Variants in SHTN1 observed in about 807,000 individuals in gnomAD.
SHTN1 encodes the protein shootin 1.
Under a neutral mutation model 83.1 loss-of-function variants are expected in SHTN1, and 42 were observed. That is an observed-to-expected ratio of 0.51 (90% confidence interval 0.39 to 0.65). SHTN1 has a LOEUF of 0.65. Among genes scored for constraint, SHTN1 ranks in the 30% least tolerant of loss-of-function variants. The pLI is 0.00. For missense variants in SHTN1, 622 were observed against 737.8 expected (o/e 0.84, Z 1.82); for synonymous variants, 224 against 247.7 (o/e 0.90, Z 0.90).
At chr10:117,059,717 T>C (rs921296859) in intron 1 of SHTN1, among the ~76,000 whole-genome samples, 2 of 152,154 alleles carry the variant, frequency 1.3e-5, no homozygotes, top group African/African-American at 4.8e-5. Context: ...GGTTTGGTGG[T>C]AGGGGCAGAA....
chr10:116,927,450 A>T (rs1013309773), intron 11 of SHTN1, among the ~76,000 whole-genome samples: 1 of 152,212 alleles, frequency 6.6e-6, no homozygotes, highest in Admixed American at 6.5e-5. Context: ...GGCAAGGAGA[A>T]GCAAGTCACA....
intron 11 of SHTN1, among the ~76,000 whole-genome samples, chr10:116,924,744 C>CTTTTTT (rs1564879304): frequency 2.2e-5 from 3 of 133,742 alleles, no homozygotes; most frequent in South Asian, 2.4e-4. Context: ...GAATTTTCAC[C>CTTTTTT]TATTTTTTTT....
intron 1 of SHTN1, among the ~76,000 whole-genome samples, chr10:117,110,253 C>T (rs1279223682): frequency 6.6e-6 from 1 of 152,236 alleles, no homozygotes; most frequent in African/African-American, 2.4e-5. Flanking sequence ...TTGTAATCCT[C>T]TATAAAACAA....
At chr10:116,997,386 G>A (rs922338261) in intron 1 of SHTN1, among the ~76,000 whole-genome samples, 2 of 152,160 alleles carry the variant, frequency 1.3e-5, no homozygotes, top group Non-Finnish European at 2.9e-5. Flanking sequence ...TTTGTTACAG[G>A]TATCTGTCCC....
At chr10:117,125,815 A>G (rs1853996262) in intron 1 of SHTN1, among the ~76,000 whole-genome samples, 1 of 152,172 alleles carries the variant, frequency 6.6e-6, no homozygotes, top group Non-Finnish European at 1.5e-5. Flanking sequence ...ATCAGCTGAC[A>G]ACTAGGACAG....
At chr10:117,113,184 C>T (rs904027091) in intron 1 of SHTN1, among the ~76,000 whole-genome samples, 2 of 152,196 alleles carry the variant, frequency 1.3e-5, no homozygotes, top group African/African-American at 4.8e-5. Flanking sequence ...TTGAGAAAGC[C>T]TACACCTTTC....
At chr10:116,950,923 C>G (rs940835365) in intron 6 of SHTN1, among the ~76,000 whole-genome samples, 2 of 152,150 alleles carry the variant, frequency 1.3e-5, no homozygotes, top group South Asian at 4.1e-4. Context: ...CTGGATGAGG[C>G]TGCTCACTGA....
At chr10:117,123,915 A>T in intron 1 of SHTN1, among the ~76,000 whole-genome samples, 1 of 128,576 alleles carries the variant, frequency 7.8e-6, no homozygotes, top group Non-Finnish European at 1.7e-5. Flanking sequence ...CACAAAAAAA[A>T]AAAAAAAAAT....
Position 116,945,004 on chromosome 10 carries a change from C to T in SHTN1, c.631G>A (p.Val211Ile), listed in dbSNP as rs146484913. Residue 211 changes from valine to isoleucine, a missense_variant, in exon 8 of 17, where the codon GTA (valine) becomes ATA (isoleucine). Transcript: ENST00000355371. Reference protein sequence around the residue: ...EKCNRVSMLAVEEYEEMQVNL... With the variant: ...EKCNRVSMLAIEEYEEMQVNL... Reference sequence around the variant, plus strand: ...ACTTGCATCTCCTCATACTCTTCTACAGCTAACATGGACACTTAAGAAGAT... The same window carrying T: ...ACTTGCATCTCCTCATACTCTTCTATAGCTAACATGGACACTTAAGAAGAT... 8.8e-6 allele frequency: 14 copies of T among 1,599,934 alleles called. No homozygotes were observed. In the African/African-American group the frequency reaches 1.1e-4, roughly 12 times the overall value.
At chr10:116,997,000 C>G (rs190833460) in intron 1 of SHTN1, among the ~76,000 whole-genome samples, 184 of 152,288 alleles carry the variant, frequency 1.2e-3, no homozygotes, top group African/African-American at 3.6e-3. Context: ...GACCTTCGAG[C>G]TAAAGATAAT....
At chr10:117,104,123 T>C (rs916711738) in intron 1 of SHTN1, among the ~76,000 whole-genome samples, 2 of 152,156 alleles carry the variant, frequency 1.3e-5, no homozygotes, top group Admixed American at 6.6e-5. Context: ...AAATCCACCA[T>C]TTTTAGCATG....
intron 3 of SHTN1, among the ~76,000 whole-genome samples, chr10:116,967,887 TA>T (rs1246069277): frequency 6.6e-6 from 1 of 152,058 alleles, no homozygotes; most frequent in African/African-American, 2.4e-5. Context: ...TGGACAACAT[TA>T]AAACTGATGT....
intron 11 of SHTN1, among the ~76,000 whole-genome samples, chr10:116,926,803 T>A (rs960337475): frequency 6.6e-6 from 1 of 152,036 alleles, no homozygotes; most frequent in Non-Finnish European, 1.5e-5. Flanking sequence ...GACATGAGCA[T>A]GTAAGCTGTC....
intron 12 of SHTN1, among the ~76,000 whole-genome samples, chr10:116,918,818 A>T (rs1412330926): frequency 1.3e-5 from 2 of 152,240 alleles, no homozygotes; most frequent in Non-Finnish European, 2.9e-5. Context: ...GTAAGAAAAG[A>T]TCAACAAATT....
At chr10:117,086,306 C>T (rs1263011220) in intron 1 of SHTN1, among the ~76,000 whole-genome samples, 1 of 152,204 alleles carries the variant, frequency 6.6e-6, no homozygotes, top group African/African-American at 2.4e-5. Flanking sequence ...TTCTCCATCA[C>T]TTTACTTTTA....
chr10:116,919,915 C>A (rs560277718), intron 12 of SHTN1, among the ~76,000 whole-genome samples: 1 of 152,162 alleles, frequency 6.6e-6, no homozygotes, highest in African/African-American at 2.4e-5. Flanking sequence ...AAGATTCCTG[C>A]TAAGAGAGAA....
chr10:116,892,777 C>A (rs560539968), intron 16 of SHTN1, among the ~76,000 whole-genome samples: 1 of 152,250 alleles, frequency 6.6e-6, no homozygotes, highest in South Asian at 2.1e-4. Flanking sequence ...ATTCTGAGAT[C>A]TGACATTGCA....
chr10:117,069,647 T>C (rs1309205025), intron 1 of SHTN1, among the ~76,000 whole-genome samples: 50 of 152,340 alleles, frequency 3.3e-4, no homozygotes, highest in African/African-American at 1.0e-3. Context: ...ACTATTACAT[T>C]TATAAAGTCC....
At chr10:116,975,675 A>C (rs1186229414) in intron 2 of SHTN1, among the ~76,000 whole-genome samples, 3 of 151,758 alleles carry the variant, frequency 2.0e-5, no homozygotes, top group Non-Finnish European at 4.4e-5. Context: ...AAGAGTCAGC[A>C]GTTTTCCTAA....
Sources: gnomAD v4.1 joint callset for allele counts (sites outside exome capture counted in the v4.1 genomes callset) on GRCh38, gnomAD v4.1.1 for gene constraint, MANE v1.5 for transcripts, NCBI Gene and HGNC (gene_info 2026-07-23, HGNC 2026-07-21) for gene names.